EYA4: variants seen among roughly 807,000 people sequenced by gnomAD.
EYA4 encodes the protein protein phosphatase EYA4.
A neutral mutation model predicts 87.9 loss-of-function variants in EYA4; 31 were observed. The ratio of observed to expected loss-of-function variants is 0.35; its 90% CI spans 0.27 to 0.48. EYA4 has a LOEUF of 0.48. Among genes scored for constraint, EYA4 ranks in the 20% least tolerant of loss-of-function variants. The probability of loss-of-function intolerance (pLI) is 0.99; values close to 1 mark genes in which losing one functional copy is unlikely to be tolerated. For synonymous variants in EYA4, 263 were observed against 270.6 expected (o/e 0.97, Z 0.28); for missense variants, 678 against 761.4 (o/e 0.89, Z 1.29).
chr6:133,517,705 G>A (rs1026784526), intron 17 of EYA4, among the ~76,000 whole-genome samples: 4 of 152,014 alleles, frequency 2.6e-5, no homozygotes, highest in African/African-American at 9.7e-5. Context: ...TGGCAGCTTA[G>A]TTTGTCAGTT....
intron 1 of EYA4, among the ~76,000 whole-genome samples, chr6:133,268,463 C>G (rs1562226640): frequency 6.6e-6 from 1 of 152,070 alleles, no homozygotes; most frequent in Non-Finnish European, 1.5e-5. Context: ...GAGCACTTGG[C>G]TAATTTGTTA....
intron 11 of EYA4, among the ~76,000 whole-genome samples, chr6:133,477,868 TG>T (rs1205228414): frequency 9.9e-5 from 15 of 152,028 alleles, no homozygotes; most frequent in Middle Eastern, 3.4e-3. Context: ...ATATATATAA[TG>T]TTTCATAATA....
At chr6:133,409,606 T>C (rs1484824417) in intron 3 of EYA4, among the ~76,000 whole-genome samples, 1 of 152,206 alleles carries the variant, frequency 6.6e-6, no homozygotes, top group Non-Finnish European at 1.5e-5. Flanking sequence ...ATAACCTATG[T>C]ATATCTCTAT....
chr6:133,445,883 A>G lies in EYA4; in HGVS notation c.84-747A>G, dbSNP rs570416402. Among the ~76,000 whole-genome samples, 5 of 152,288 alleles carry G rather than the reference A, an allele frequency of 3.3e-5. No individual in the cohort carries two copies. The South Asian group carries it at 1.0e-3, about 32-fold the overall frequency. ...GCGTGAGCCACCGCGCCCGGCCTCT[A>G]GTTTCCTTTTCAAAAGATGGTCAGC... On this transcript the variant is annotated intron_variant, in intron 3 of 19. Coordinates refer to ENST00000355286, the MANE Select transcript of EYA4 (RefSeq NM_004100.5).
intron 2 of EYA4, among the ~76,000 whole-genome samples, chr6:133,302,842 G>A (rs1462080333): frequency 6.6e-6 from 1 of 152,112 alleles, no homozygotes; most frequent in Non-Finnish European, 1.5e-5. Flanking sequence ...TATTATATTA[G>A]CAATATCAAC....
At chr6:133,366,711 A>G (rs761173524) in intron 2 of EYA4, among the ~76,000 whole-genome samples, 3 of 122,046 alleles carry the variant, frequency 2.5e-5, no homozygotes, top group Non-Finnish European at 5.2e-5. Context: ...AACTAAAAGT[A>G]GTCCCTTAGG....
chr6:133,421,274 G>C (rs1383729318), intron 3 of EYA4, among the ~76,000 whole-genome samples: 7 of 152,184 alleles, frequency 4.6e-5, no homozygotes, highest in Non-Finnish European at 8.8e-5. Flanking sequence ...TCCAGCATCA[G>C]TGTCATTCAG....
At chr6:133,399,449 TAGAG>T (rs1788074921) in intron 3 of EYA4, among the ~76,000 whole-genome samples, 1 of 151,986 alleles carries the variant, frequency 6.6e-6, no homozygotes, top group Non-Finnish European at 1.5e-5. Context: ...TGGAAAAAGT[TAGAG>T]AGTTAAAAAC....
intron 2 of EYA4, among the ~76,000 whole-genome samples, chr6:133,354,541 C>T (rs775761235): frequency 2.6e-5 from 4 of 152,046 alleles, no homozygotes; most frequent in East Asian, 1.9e-4. Flanking sequence ...CTTAATTTTT[C>T]GGATGAAGAA....
Position 133,497,229 on chromosome 6 carries a change from T to C in EYA4, c.1192-8877T>C, listed in dbSNP as rs73546811. ...TTAATCTCTGTATTCTTTGGTCTCG[T>C]GTTCTTTCCCCACAACTTGTAAAAA... On this transcript the variant is annotated intron_variant, in intron 13 of 19. Coordinates refer to ENST00000355286, the MANE Select transcript of EYA4 (RefSeq NM_004100.5). Among the ~76,000 whole-genome samples the C allele has an allele frequency of 3.9e-3, 600 of 152,248 alleles. 5 individuals carry two copies. The highest frequency in any genetic ancestry group is 0.014 in the African/African-American group (575 of 41,548).
intron 11 of EYA4, among the ~76,000 whole-genome samples, chr6:133,473,873 C>A (rs945675321): frequency 6.6e-6 from 1 of 151,862 alleles, no homozygotes; most frequent in African/African-American, 2.4e-5. Context: ...GTGCCCTAGG[C>A]GCCTTACTCA....
intron 1 of EYA4, among the ~76,000 whole-genome samples, chr6:133,274,402 C>G (rs1311752639): frequency 2.0e-5 from 3 of 152,152 alleles, no homozygotes; most frequent in Non-Finnish European, 4.4e-5. Flanking sequence ...CTGTCAATTG[C>G]TTGATGACAT....
At chr6:133,439,044 C>A (rs887268162) in intron 3 of EYA4, among the ~76,000 whole-genome samples, 2 of 62,328 alleles carry the variant, frequency 3.2e-5, no homozygotes, top group African/African-American at 6.4e-5. Flanking sequence ...AGCGAGACTC[C>A]GTCTCAAAAA....
At chr6:133,414,053 TCATACC>T (rs1186077490) in intron 3 of EYA4, among the ~76,000 whole-genome samples, 14 of 152,212 alleles carry the variant, frequency 9.2e-5, no homozygotes, top group Admixed American at 9.2e-4. Flanking sequence ...CTACTCCAGT[TCATACC>T]CATAATCTGT....
At chr6:133,375,176 C>A (rs971817741) in intron 2 of EYA4, among the ~76,000 whole-genome samples, 2 of 151,888 alleles carry the variant, frequency 1.3e-5, no homozygotes, top group Non-Finnish European at 2.9e-5. Flanking sequence ...AAGTTTATAT[C>A]CCTATGGGCC....
intron 3 of EYA4, 121 bp downstream of exon 3, chr6:133,382,562 T>C (rs1217972999): frequency 1.3e-6 from 1 of 799,614 alleles, no homozygotes. Context: ...AGAACTTATC[T>C]TGATGGAAAC....
chr6:133,273,444 G>A (rs765343836), intron 1 of EYA4, among the ~76,000 whole-genome samples: 1 of 152,086 alleles, frequency 6.6e-6, no homozygotes, highest in South Asian at 2.1e-4. Context: ...ACATACCCAG[G>A]ATCAATACTT....
In EYA4 at chr6:133,515,339, A is replaced by G; in HGVS notation, c.1520A>G (p.Lys507Arg). ...NNVGGLLGPAKRDAWLQLRAE... is the reference protein window; with the variant it reads ...NNVGGLLGPARRDAWLQLRAE... ...GTTGCAGGACTCCTTGGCCCTGCCA[A>G]GAGGGATGCCTGGCTACAGTTAAGG... The change falls in exon 17 of 20, where the codon AAG becomes AGG. Residue 507 changes from lysine to arginine, a missense_variant. Coordinates refer to ENST00000355286, the MANE Select transcript of EYA4 (RefSeq NM_004100.5). The G allele has an allele frequency of 6.2e-7, 1 of 1,611,804 alleles. No homozygotes were observed. The highest frequency in any genetic ancestry group is 8.5e-7 in the Non-Finnish European group (1 of 1,177,844).
chr6:133,286,886 C>T (rs1368594847), intron 2 of EYA4, among the ~76,000 whole-genome samples: 3 of 152,102 alleles, frequency 2.0e-5, no homozygotes, highest in Non-Finnish European at 4.4e-5. Context: ...TTTTGGGCCA[C>T]AAAATTCTTT....
Sources: allele counts gnomAD v4.1 joint callset (sites outside exome capture counted in the v4.1 genomes callset), GRCh38; gene constraint gnomAD v4.1.1; transcripts MANE v1.5; gene names NCBI Gene and HGNC (gene_info 2026-07-23, HGNC 2026-07-21).